The following ELP2 variants were observed in gnomAD, a reference collection of about 807,000 sequenced individuals.
The protein encoded by ELP2 is elongator acetyltransferase complex subunit 2.
ELP2 carries 90 observed loss-of-function variants against 119.2 expected under a neutral mutation model. That is an observed-to-expected ratio of 0.75 (90% CI 0.64 to 0.90). The LOEUF (loss-of-function observed/expected upper bound fraction) is 0.90, where lower values mean the gene tolerates loss of function less well. Among genes scored for constraint, ELP2 ranks in the 40% least tolerant of loss-of-function variants. The pLI is 0.00. For missense variants in ELP2, 921 were observed against 967.8 expected (o/e 0.95, Z 0.64); for synonymous variants, 339 against 331.0 (o/e 1.02, Z -0.26).
At chr18:36,140,273 ACATGCCAC>A (rs2089975244) in intron 5 of ELP2, among the ~76,000 whole-genome samples, 1 of 151,478 alleles carries the variant, frequency 6.6e-6, no homozygotes, top group African/African-American at 2.4e-5. Flanking sequence ...GACTCCAAGC[ACATGCCAC>A]CATGCCTGGC....
intron 12 of ELP2, 105 bp from the exon 13 acceptor site, chr18:36,156,361 C>G (rs927011303): frequency 2.1e-5 from 23 of 1,108,296 alleles, no homozygotes; most frequent in Non-Finnish European, 3.0e-5. Context: ...AATATTTGCC[C>G]CATGGTTATA....
rs957633202 is a variant in ELP2, at chr18:36,158,690, C to G, written c.1465-145C>G. 8 of 613,624 alleles carry G rather than the reference C, an allele frequency of 1.3e-5. No individual in the cohort carries two copies. In the African/African-American group the frequency reaches 1.5e-4, roughly 11 times the overall value. 38.0% of individuals were successfully genotyped at this position (613,624 alleles called of 1,614,324 possible). On this transcript the variant is annotated intron_variant, in intron 13 of 21. Coordinates refer to ENST00000358232, the MANE Select transcript of ELP2 (RefSeq NM_018255.4). ...AGGAAGTGAAAGTACGGGTAGACAT[C>G]CACACAAGATGGTCTTTAAACTGTT...
rs1032780489 is a variant in ELP2, at chr18:36,176,728, G to A, written c.*2087G>A. Reference sequence around the variant, plus strand: ...CATATTGTAATTCATAATATCTGAAGCAATTATTATGAATTGTAGTAATTC... The same window carrying A: ...CATATTGTAATTCATAATATCTGAAACAATTATTATGAATTGTAGTAATTC... On this transcript the variant is annotated 3_prime_UTR_variant, in exon 22 of 22. Coordinates refer to ENST00000358232, the MANE Select transcript of ELP2 (RefSeq NM_018255.4). The A allele has an allele frequency of 6.6e-6, 1 of 152,112 alleles. No individual in the cohort carries two copies. The highest frequency in any genetic ancestry group is 1.5e-5 in the Non-Finnish European group (1 of 68,036). 9.4% of individuals were successfully genotyped at this position (152,112 alleles called of 1,614,324 possible). A position where few individuals can be genotyped will look rare whatever the true frequency, so the allele number is the denominator to read the frequency against.
intron 2 of ELP2, among the ~76,000 whole-genome samples, chr18:36,134,181 C>T (rs1025609576): frequency 6.6e-6 from 1 of 151,998 alleles, no homozygotes; most frequent in Non-Finnish European, 1.5e-5. Context: ...CTAGTTTGCA[C>T]CTTAATAACA....
At position 36,179,532 on chromosome 18, in the gene ELP2, G is replaced by T. The variant is rs1215560642; in HGVS notation, c.*4891G>T. On this transcript the variant is annotated 3_prime_UTR_variant, in exon 22 of 22. Coordinates refer to ENST00000358232, the MANE Select transcript of ELP2 (RefSeq NM_018255.4). ...GACCCAGTACTGAGTGAAGACACCAGAGTGAAGGAGAGAGGCCATGCTGTG... is the reference window on the plus strand; with the variant it reads ...GACCCAGTACTGAGTGAAGACACCATAGTGAAGGAGAGAGGCCATGCTGTG... 10 of 148,450 alleles carry T rather than the reference G, an allele frequency of 6.7e-5. No individual in the cohort carries two copies. The highest frequency in any genetic ancestry group is 1.2e-4 in the Non-Finnish European group (8 of 67,458). The allele number at this position is 148,450 out of a possible 1,614,324, so 9.2% of individuals were successfully genotyped here. A position where few individuals can be genotyped will look rare whatever the true frequency, so the allele number is the denominator to read the frequency against.
intron 2 of ELP2, 71 bp downstream of exon 2, chr18:36,133,387 T>G (rs2089706040): frequency 9.4e-7 from 1 of 1,065,560 alleles, no homozygotes; most frequent in Non-Finnish European, 1.5e-6. Flanking sequence ...CATTTTTTTC[T>G]CATCACTTCT....
intron 2 of ELP2, among the ~76,000 whole-genome samples, chr18:36,133,583 G>T (rs1463048196): frequency 1.3e-5 from 2 of 152,164 alleles, no homozygotes; most frequent in Non-Finnish European, 2.9e-5. Context: ...CTCCCCAGTT[G>T]CCTGTAACCT....
intron 11 of ELP2, among the ~76,000 whole-genome samples, chr18:36,153,121 G>A (rs746679343): frequency 7.2e-5 from 11 of 152,190 alleles, no homozygotes; most frequent in Non-Finnish European, 1.2e-4. Flanking sequence ...TTTCATTTTA[G>A]CCATTATAGA....
At chr18:36,166,905 TCC>T (rs2090924856) in intron 18 of ELP2, 194 bp from the exon 19 acceptor site, 3 of 407,190 alleles carry the variant, frequency 7.4e-6, no homozygotes, top group Admixed American at 4.1e-5. Flanking sequence ...ACAAAAGCAT[TCC>T]CTACTAGAAA....
Position 36,149,483 on chromosome 18 carries a change from G to GTTT in ELP2, c.1125+3104_1125+3106dup, listed in dbSNP as rs561853812. Among the ~76,000 whole-genome samples the GTTT allele has an allele frequency of 2.1e-3, 215 of 101,810 alleles. 16 individuals are homozygous for GTTT. Among genetic ancestry groups the GTTT allele is most frequent in the African/African-American group, 5.7e-3 (154 of 26,892 alleles). 66.8% of individuals were successfully genotyped at this position (101,810 alleles called of 152,430 possible). A position where few individuals can be genotyped will look rare whatever the true frequency, so the allele number is the denominator to read the frequency against. ...ACATAGTTGCAGGGTTTTTTGTTTT[G>GTTT]TTTTGTTTTTTTTTTTTTTGCTTAG... On this transcript the variant is annotated intron_variant, in intron 11 of 21. Coordinates refer to ENST00000358232, the MANE Select transcript of ELP2 (RefSeq NM_018255.4).
chr18:36,152,810 C>A (rs2090444745), intron 11 of ELP2, among the ~76,000 whole-genome samples: 1 of 152,224 alleles, frequency 6.6e-6, no homozygotes, highest in Admixed American at 6.5e-5. Flanking sequence ...ACCAAAGATA[C>A]TGCCCCTAAA....
At chr18:36,151,761 T>C (rs2090409518) in intron 11 of ELP2, among the ~76,000 whole-genome samples, 1 of 131,972 alleles carries the variant, frequency 7.6e-6, no homozygotes, top group Admixed American at 7.9e-5. Context: ...TTTTTTTTTT[T>C]TTTTGAGGTG....
chr18:36,144,938 G>A lies in ELP2; in HGVS notation c.797-1G>A. The A allele has an allele frequency of 2.5e-6, 4 of 1,609,958 alleles. No homozygotes were observed. Among genetic ancestry groups the A allele is most frequent in the Non-Finnish European group, 3.4e-6 (4 of 1,176,370 alleles). On this transcript the variant is annotated splice_acceptor_variant, in intron 8 of 21. Transcript: ENST00000358232. LOFTEE classifies it high-confidence loss of function. Reference sequence around the variant, plus strand: ...TAATACCTTCATTGCTTTTGTTATAGGTGTTAAAATAGCATTTGCTGTTAC... The same window carrying A: ...TAATACCTTCATTGCTTTTGTTATAAGTGTTAAAATAGCATTTGCTGTTAC...
Position 36,176,282 on chromosome 18 carries a change from G to C in ELP2, c.*1641G>C, listed in dbSNP as rs913875069. 4 of 152,246 alleles carry C rather than the reference G, an allele frequency of 2.6e-5. No homozygotes were observed. The highest frequency in any genetic ancestry group is 5.9e-5 in the Non-Finnish European group (4 of 68,078). 9.4% of individuals were successfully genotyped at this position (152,246 alleles called of 1,614,324 possible). A position where few individuals can be genotyped will look rare whatever the true frequency, so the allele number is the denominator to read the frequency against. ...CTGTATACTCTTGTGCCGTCAGCTGGGGGGTGGGGTGTGTGTGCGTGTATA... is the reference window on the plus strand; with the variant it reads ...CTGTATACTCTTGTGCCGTCAGCTGCGGGGTGGGGTGTGTGTGCGTGTATA... On this transcript the variant is annotated 3_prime_UTR_variant, in exon 22 of 22. Coordinates refer to ENST00000358232, the MANE Select transcript of ELP2 (RefSeq NM_018255.4).
chr18:36,170,003 G>T lies in ELP2; in HGVS notation c.2077-60G>T, dbSNP rs1334141806. On this transcript the variant is annotated intron_variant, in intron 19 of 21. Transcript: ENST00000358232. ...TTTTATCTTTGCCGATGAAACTGTA[G>T]TACATGGCTAGAAACCTTGCAAAGA... 5.0e-6 allele frequency: 8 copies of T among 1,609,986 alleles called. No homozygotes were observed. The Admixed American group carries it at 1.0e-4, about 20-fold the overall frequency.
At chr18:36,166,177 A>G (rs2090888685) in intron 18 of ELP2, among the ~76,000 whole-genome samples, 1 of 148,716 alleles carries the variant, frequency 6.7e-6, no homozygotes, top group South Asian at 2.1e-4. Flanking sequence ...AGGGCATTAG[A>G]GTGAGACTTC....
At chr18:36,133,725 T>C (rs1465778332) in intron 2 of ELP2, among the ~76,000 whole-genome samples, 1 of 61,348 alleles carries the variant, frequency 1.6e-5, no homozygotes, top group Non-Finnish European at 3.9e-5. Flanking sequence ...TACTTATTTA[T>C]TTATTTATTT....
intron 2 of ELP2, 42 bp downstream of exon 2, chr18:36,133,358 C>G: frequency 6.8e-7 from 1 of 1,466,406 alleles, no homozygotes. Context: ...CAATTGTTTT[C>G]TGATAAAATA....
chr18:36,136,671 T>C (rs935572153), intron 3 of ELP2: 2 of 335,802 alleles, frequency 6.0e-6, no homozygotes, highest in Non-Finnish European at 1.1e-5. Context: ...GTTGTTCTTT[T>C]ATGAAGTTAA....
Sources: allele counts gnomAD v4.1 joint callset (sites outside exome capture counted in the v4.1 genomes callset), GRCh38; gene constraint gnomAD v4.1.1; transcripts MANE v1.5; gene names NCBI Gene and HGNC (gene_info 2026-07-23, HGNC 2026-07-21).